The following KCNK2 variants were observed in gnomAD, a reference collection of about 807,000 sequenced individuals.
KCNK2 encodes potassium channel subfamily K member 2.
In KCNK2, 21 loss-of-function variants were observed where a neutral mutation model predicts 40.5. That is an observed-to-expected ratio of 0.52 (90% CI 0.37 to 0.75). The LOEUF (loss-of-function observed/expected upper bound fraction) is 0.75. KCNK2 is among the 30% of genes least tolerant of loss of function. The probability of loss-of-function intolerance (pLI) is 0.00; values close to 1 mark genes in which losing one functional copy is unlikely to be tolerated. For synonymous variants in KCNK2, 191 were observed against 202.2 expected, an observed-to-expected ratio of 0.94 and a Z score of 0.47; for missense variants, 399 against 531.6, an observed-to-expected ratio of 0.75 and a Z score of 2.45.
chr1:215,083,194 T>TCCCC lies in KCNK2; in HGVS notation c.-186_-183dup. ...CCCGCGATTTCGTTTCTTCTCACGC[T>TCCCC]CCCCCCCCCGCCCCCTCCCGCGTCC... is the stretch of plus-strand genomic sequence containing the variant. On this transcript the variant is annotated 5_prime_UTR_variant, in exon 1 of 7. Coordinates refer to ENST00000444842, the MANE Select transcript of KCNK2 (RefSeq NM_001017425.3). The TCCCC allele has an allele frequency of 2.0e-6, 1 of 501,814 alleles. No individual in the cohort carries two copies. The highest frequency in any genetic ancestry group is 2.0e-5 in the South Asian group (1 of 49,324). 31.1% of individuals were successfully genotyped at this position (501,814 alleles called of 1,614,324 possible). A position where few individuals can be genotyped will look rare whatever the true frequency, so the allele number is the denominator to read the frequency against.
At chr1:215,202,524 C>A (rs1209385785) in intron 6 of KCNK2, among the ~76,000 whole-genome samples, 1 of 152,212 alleles carries the variant, frequency 6.6e-6, no homozygotes, top group Non-Finnish European at 1.5e-5. Flanking sequence ...TATGAGCAGT[C>A]ATTTCTGCAG....
chr1:215,124,581 G>A lies in KCNK2; in HGVS notation c.358-52G>A. 3 of 1,010,252 alleles carry A rather than the reference G, an allele frequency of 3.0e-6. No individual in the cohort carries two copies. The South Asian group carries it at 3.8e-5, about 13-fold the overall frequency. The allele number at this position is 1,010,252 out of a possible 1,614,324, so 62.6% of individuals were successfully genotyped here. A position where few individuals can be genotyped will look rare whatever the true frequency, so the allele number is the denominator to read the frequency against. ...TTCTGGGGTGGAATATATGCTGTTT[G>A]ATGCCTCTGTGTGATTCATGTGTAC... is the stretch of plus-strand genomic sequence containing the variant. On this transcript the variant is annotated intron_variant, in intron 2 of 6. Coordinates refer to ENST00000444842, the MANE Select transcript of KCNK2 (RefSeq NM_001017425.3).
chr1:215,205,217 G>A (rs1665261246), intron 6 of KCNK2, among the ~76,000 whole-genome samples: 1 of 152,074 alleles, frequency 6.6e-6, no homozygotes, highest in Admixed American at 6.6e-5. Context: ...AGGATTTGTG[G>A]GCAGAATTCA....
intron 6 of KCNK2, among the ~76,000 whole-genome samples, chr1:215,209,279 C>G: frequency 9.7e-6 from 1 of 102,848 alleles, no homozygotes; most frequent in African/African-American, 4.1e-5. Context: ...TATAAATATA[C>G]ACATATTTTA....
intron 1 of KCNK2, among the ~76,000 whole-genome samples, chr1:215,038,917 A>G (rs971549488): frequency 6.6e-6 from 1 of 151,950 alleles, no homozygotes; most frequent in Admixed American, 6.6e-5. Flanking sequence ...TCAATATGTT[A>G]TGATCATTTT....
At chr1:215,009,696 G>C (rs1656308707) in intron 1 of KCNK2, among the ~76,000 whole-genome samples, 1 of 151,774 alleles carries the variant, frequency 6.6e-6, no homozygotes, top group Non-Finnish European at 1.5e-5. Flanking sequence ...TTAAACTTGA[G>C]AACTAATTAA....
intron 3 of KCNK2, among the ~76,000 whole-genome samples, chr1:215,139,368 A>C (rs1662066809): frequency 6.6e-6 from 1 of 152,228 alleles, no homozygotes; most frequent in Non-Finnish European, 1.5e-5. Context: ...TTAAAAAATC[A>C]TTCGTTGAAG....
chr1:215,010,859 T>G (rs371291100), intron 1 of KCNK2, among the ~76,000 whole-genome samples: 26,909 of 132,772 alleles, frequency 0.2, 2,866 homozygotes, highest in African/African-American at 0.38. Flanking sequence ...AGATTTTTTT[T>G]TTTTTTTTTT....
At chr1:215,033,006 T>C (rs1459484059) in intron 1 of KCNK2, among the ~76,000 whole-genome samples, 2 of 152,084 alleles carry the variant, frequency 1.3e-5, no homozygotes, top group African/African-American at 2.4e-5. Context: ...ACACTTTTTG[T>C]AGTTGTCCCA....
intron 3 of KCNK2, among the ~76,000 whole-genome samples, chr1:215,153,232 A>G (rs936558984): frequency 1.3e-5 from 2 of 152,188 alleles, no homozygotes; most frequent in East Asian, 3.9e-4. Flanking sequence ...ATCCCAAGTA[A>G]ACATAAACAA....
intron 2 of KCNK2, among the ~76,000 whole-genome samples, chr1:215,105,967 C>T (rs932844763): frequency 3.3e-5 from 5 of 151,924 alleles, no homozygotes; most frequent in African/African-American, 1.2e-4. Context: ...TGTATATGTA[C>T]CACATTTTTC....
intron 6 of KCNK2, among the ~76,000 whole-genome samples, chr1:215,217,262 T>C: frequency 6.6e-6 from 1 of 151,836 alleles, no homozygotes; most frequent in Non-Finnish European, 1.5e-5. Context: ...CATGGGAGAG[T>C]TTTAAGACAA....
chr1:215,100,300 G>T (rs1197555315), intron 2 of KCNK2, among the ~76,000 whole-genome samples: 2 of 151,960 alleles, frequency 1.3e-5, no homozygotes, highest in African/African-American at 4.8e-5. Context: ...CCCAAAATAG[G>T]TGAGAAAGGA....
In KCNK2 at chr1:215,089,635, G is replaced by A. The variant is rs568300001; in HGVS notation, c.357+2957G>A. On this transcript the variant is annotated intron_variant, in intron 2 of 6. Transcript: ENST00000444842. The stretch of plus-strand genomic sequence containing the variant: ...TGCTTCTTTTGTTATAGAAGCATGT[G>A]TGTATGTACTAAGTGTTGTTTTTGG... Among the ~76,000 whole-genome samples the A allele has an allele frequency of 2.0e-5, 3 of 152,232 alleles. No homozygotes were observed. The East Asian group carries it at 5.8e-4, about 29-fold the overall frequency.
chr1:215,227,956 T>TAA (rs5780825), intron 6 of KCNK2, among the ~76,000 whole-genome samples: 78,362 of 149,626 alleles, frequency 0.52, 21,338 homozygotes, highest in East Asian at 0.64. Context: ...GATATTAAGT[T>TAA]AAAAAAAAAA....
intron 1 of KCNK2, among the ~76,000 whole-genome samples, chr1:215,057,556 T>A (rs1201583026): frequency 1.3e-5 from 2 of 152,184 alleles, no homozygotes; most frequent in Admixed American, 6.5e-5. Flanking sequence ...TTATGTTGAC[T>A]CCACCACTGA....
At position 215,007,009 on chromosome 1, in the gene KCNK2, A is replaced by ATGTGTG. The variant is rs1381649580; in HGVS notation, c.34+1055_34+1056insGTGTGT. ...GGGGACCAATTCACTATATATATATATATATATATATATATATATATATAT... is the reference window on the plus strand; with the variant it reads ...GGGGACCAATTCACTATATATATATATGTGTGTATATATATATATATATATATATAT... On this transcript the variant is annotated intron_variant, in intron 1 of 6. Transcript: ENST00000391895. Among the ~76,000 whole-genome samples, 22 of 13,876 alleles carry ATGTGTG rather than the reference A, an allele frequency of 1.6e-3. 1 individual carries two copies. Among genetic ancestry groups the ATGTGTG allele is most frequent in the African/African-American group, 2.7e-3 (22 of 8,226 alleles). The allele number at this position is 13,876 out of a possible 152,430, so 9.1% of individuals were successfully genotyped here.
intron 2 of KCNK2, among the ~76,000 whole-genome samples, chr1:215,100,841 A>G (rs1292714554): frequency 6.6e-6 from 1 of 152,080 alleles, no homozygotes; most frequent in African/African-American, 2.4e-5. Flanking sequence ...ATTATTGCTC[A>G]AAATAATTTA....
intron 5 of KCNK2, among the ~76,000 whole-genome samples, chr1:215,188,028 A>G (rs961830372): frequency 1.4e-4 from 22 of 152,166 alleles, no homozygotes; most frequent in African/African-American, 5.1e-4. Context: ...AGTTCTAGGC[A>G]AAAATCCAGA....
Sources: allele counts gnomAD v4.1 joint callset (sites outside exome capture counted in the v4.1 genomes callset), GRCh38; gene constraint gnomAD v4.1.1; transcripts MANE v1.5; gene names NCBI Gene and HGNC (gene_info 2026-07-23, HGNC 2026-07-21).